Variants in ADGRL2 observed in about 807,000 individuals in gnomAD.
ADGRL2 encodes adhesion G protein-coupled receptor L2.
In ADGRL2, 44 loss-of-function variants were observed where a neutral mutation model predicts 157.4. That is an observed-to-expected ratio of 0.28 (90% CI 0.22 to 0.36). The LOEUF (loss-of-function observed/expected upper bound fraction) is 0.36. Among genes scored for constraint, ADGRL2 ranks in the 10% least tolerant of loss-of-function variants. The pLI, the probability that ADGRL2 is intolerant of heterozygous loss-of-function variation, is 1.00. For missense variants in ADGRL2, 1,510 were observed against 1,768.9 expected (o/e 0.85, Z 2.63); for synonymous variants, 585 against 624.7 (o/e 0.94, Z 0.95).
chr1:81,897,954 TG>T (rs1207187475), intron 2 of ADGRL2, among the ~76,000 whole-genome samples: 1 of 152,142 alleles, frequency 6.6e-6, no homozygotes, highest in African/African-American at 2.4e-5. Context: ...CTTATTTAGC[TG>T]GGCATGGTGG....
At chr1:81,618,777 G>A (rs1344505865) in intron 3 of ADGRL2, among the ~76,000 whole-genome samples, 1 of 151,964 alleles carries the variant, frequency 6.6e-6, no homozygotes, top group Non-Finnish European at 1.5e-5. Context: ...CTTATTAACT[G>A]AATAAAAATA....
intron 2 of ADGRL2, among the ~76,000 whole-genome samples, chr1:81,843,353 A>C (rs1043572719): frequency 1.3e-5 from 2 of 152,002 alleles, no homozygotes; most frequent in African/African-American, 4.8e-5. Flanking sequence ...GGCTGGTCTC[A>C]AACTCCTGAC....
intron 3 of ADGRL2, among the ~76,000 whole-genome samples, chr1:81,925,745 C>T (rs535363008): frequency 6.6e-6 from 1 of 151,764 alleles, no homozygotes; most frequent in Non-Finnish European, 1.5e-5. Flanking sequence ...GCATTTGTTG[C>T]CATGCTGTAA....
At chr1:81,764,834 T>G (rs1322098117) in intron 2 of ADGRL2, among the ~76,000 whole-genome samples, 2 of 152,042 alleles carry the variant, frequency 1.3e-5, no homozygotes, top group African/African-American at 4.8e-5. Context: ...AAATTACATA[T>G]CCTTAAATTG....
At chr1:81,485,379 T>C (rs996963300) in intron 2 of ADGRL2, among the ~76,000 whole-genome samples, 15 of 152,088 alleles carry the variant, frequency 9.9e-5, no homozygotes, top group Non-Finnish European at 2.9e-5. Context: ...TGTTTTAAGA[T>C]TTTGAGTGAT....
chr1:81,362,453 C>T (rs1374648133), intron 1 of ADGRL2, among the ~76,000 whole-genome samples: 1 of 151,766 alleles, frequency 6.6e-6, no homozygotes, highest in Non-Finnish European at 1.5e-5. Context: ...AAACTTTAGT[C>T]ATTACATGGG....
chr1:81,955,843 G>C, intron 10 of ADGRL2, 34 bp from the exon 11 acceptor site: 1 of 1,442,384 alleles, frequency 6.9e-7, no homozygotes, highest in Non-Finnish European at 9.3e-7. Flanking sequence ...TCTAAAAGCG[G>C]TCAAAACTAA....
intron 1 of ADGRL2, among the ~76,000 whole-genome samples, chr1:81,413,866 C>T (rs1343381538): frequency 6.6e-6 from 1 of 152,144 alleles, no homozygotes; most frequent in Non-Finnish European, 1.5e-5. Context: ...ACTGCATTTA[C>T]TGTGGAAGTG....
At chr1:81,449,342 T>C (rs2077663000) in intron 2 of ADGRL2, among the ~76,000 whole-genome samples, 1 of 152,182 alleles carries the variant, frequency 6.6e-6, no homozygotes, top group Admixed American at 6.5e-5. Flanking sequence ...GGCTGTTTGA[T>C]CACTAAAAGT....
intron 1 of ADGRL2, among the ~76,000 whole-genome samples, chr1:81,369,345 G>A (rs1416949926): frequency 6.6e-6 from 1 of 152,068 alleles, no homozygotes; most frequent in East Asian, 1.9e-4. Context: ...TATATACATA[G>A]CTTTTTAAAC....
intron 3 of ADGRL2, among the ~76,000 whole-genome samples, chr1:81,914,620 C>T (rs187939439): frequency 1.2e-4 from 18 of 152,182 alleles, no homozygotes; most frequent in South Asian, 8.3e-4. Flanking sequence ...AAAATACATA[C>T]GGGGGAAATG....
intron 1 of ADGRL2, among the ~76,000 whole-genome samples, chr1:81,440,156 A>T (rs2077481235): frequency 6.6e-6 from 1 of 152,218 alleles, no homozygotes; most frequent in Non-Finnish European, 1.5e-5. Context: ...GGTGAGGATC[A>T]ATCAGAGGAA....
At chr1:81,812,195 T>C (rs2089942446) in intron 1 of ADGRL2, among the ~76,000 whole-genome samples, 1 of 151,882 alleles carries the variant, frequency 6.6e-6, no homozygotes, top group Non-Finnish European at 1.5e-5. Flanking sequence ...ATATTTTTGC[T>C]AAACCTTGTT....
chr1:81,330,203 T>C (rs1661180598), intron 1 of ADGRL2, among the ~76,000 whole-genome samples: 1 of 152,114 alleles, frequency 6.6e-6, no homozygotes, highest in African/African-American at 2.4e-5. Flanking sequence ...CAAAAGTACC[T>C]GAAATATGTT....
intron 1 of ADGRL2, among the ~76,000 whole-genome samples, chr1:81,719,781 C>CT (rs1326858568): frequency 6.6e-6 from 1 of 152,062 alleles, no homozygotes; most frequent in East Asian, 1.9e-4. Context: ...TGGAATTTGT[C>CT]TTTTTTTGTG....
chr1:81,992,166 T>C lies in ADGRL2; in HGVS notation c.*1021T>C, dbSNP rs139901178. 0.016 allele frequency: 2,512 copies of C among 152,626 alleles called. 49 individuals are homozygous for C. The highest frequency in any genetic ancestry group is 0.046 in the African/African-American group (1,920 of 41,526). The allele number at this position is 152,626 out of a possible 1,614,324, so 9.5% of individuals were successfully genotyped here. Reference sequence around the variant, plus strand: ...GGCACTGGGCACTTCTCACAAACTTTCTAGTGAACAAAAGGTGCCTATTCT... The same window carrying C: ...GGCACTGGGCACTTCTCACAAACTTCCTAGTGAACAAAAGGTGCCTATTCT... On this transcript the variant is annotated 3_prime_UTR_variant, in exon 24 of 24. Transcript: ENST00000686636.
chr1:81,546,442 T>A (rs994882268), intron 2 of ADGRL2, among the ~76,000 whole-genome samples: 1 of 152,218 alleles, frequency 6.6e-6, no homozygotes, highest in Non-Finnish European at 1.5e-5. Flanking sequence ...CCCTGTGATA[T>A]GAAGACTGGT....
upstream of ADGRL2, among the ~76,000 whole-genome samples, chr1:81,699,445 A>G (rs576337227): frequency 3.3e-5 from 5 of 152,318 alleles, no homozygotes; most frequent in South Asian, 1.0e-3. Context: ...CCCACACCTC[A>G]GTTAGTCGGG....
chr1:81,651,930 G>A (rs1570739189), intron 3 of ADGRL2, among the ~76,000 whole-genome samples: 1 of 151,790 alleles, frequency 6.6e-6, no homozygotes, highest in Admixed American at 6.6e-5. Flanking sequence ...TCACTATGTT[G>A]TCCTGGCCTC....
Sources: gnomAD v4.1 joint callset for allele counts (sites outside exome capture counted in the v4.1 genomes callset) on GRCh38, gnomAD v4.1.1 for gene constraint, MANE v1.5 for transcripts, NCBI Gene and HGNC (gene_info 2026-07-23, HGNC 2026-07-21) for gene names.